MON2: variants seen among roughly 807,000 people sequenced by gnomAD.
The protein encoded by MON2 is MON2 regulator of endosome-to-Golgi trafficking, also known as protein MON2 homolog.
MON2 carries 84 observed loss-of-function variants against 208.6 expected under a neutral mutation model. The ratio of observed to expected loss-of-function variants is 0.40; its 90% CI spans 0.34 to 0.48. MON2 has a LOEUF of 0.48. Among genes scored for constraint, MON2 ranks in the 20% least tolerant of loss-of-function variants. The pLI is 0.59. For missense variants in MON2, 1,611 were observed against 2,015.4 expected (o/e 0.80, Z 3.84); for synonymous variants, 660 against 694.0 (o/e 0.95, Z 0.77).
chr12:62,531,002 G>A (rs2072611016), intron 11 of MON2, among the ~76,000 whole-genome samples: 1 of 152,080 alleles, frequency 6.6e-6, no homozygotes, highest in African/African-American at 2.4e-5. Context: ...ATCTTTTTGT[G>A]TGCTTCTTGG....
intron 1 of MON2, among the ~76,000 whole-genome samples, chr12:62,476,333 A>T (rs56283821): frequency 0.15 from 22,733 of 151,782 alleles, 1,903 homozygotes; most frequent in East Asian, 0.27. Flanking sequence ...GGGTCTTTTG[A>T]TTTTACCTGA....
chr12:62,549,038 A>T (rs1050211506), intron 22 of MON2, among the ~76,000 whole-genome samples: 3 of 152,104 alleles, frequency 2.0e-5, no homozygotes, highest in Non-Finnish European at 2.9e-5. Context: ...ACTGTAGCAA[A>T]CTTGCCATTC....
At position 62,516,091 on chromosome 12, in the gene MON2, A is replaced by G. The variant is rs2071674125; in HGVS notation, c.984+7611A>G. Reference sequence around the variant, plus strand: ...ACAATGGAGTACTATTCAACCATAAAAAGAAAAGTGAGATCCTGTCATTTG... The same window carrying G: ...ACAATGGAGTACTATTCAACCATAAGAAGAAAAGTGAGATCCTGTCATTTG... On this transcript the variant is annotated intron_variant, in intron 8 of 34. Coordinates refer to ENST00000393630, the MANE Select transcript of MON2 (RefSeq NM_015026.3). 4.6e-5 allele frequency among the ~76,000 whole-genome samples: 7 copies of G among 152,240 alleles called. No homozygotes were observed. In the South Asian group the frequency reaches 1.4e-3, roughly 31 times the overall value.
At chr12:62,520,625 A>G (rs542717353) in intron 8 of MON2, among the ~76,000 whole-genome samples, 1 of 151,976 alleles carries the variant, frequency 6.6e-6, no homozygotes, top group East Asian at 1.9e-4. Context: ...CTGTTTTGTC[A>G]CAAGGAACAT....
Position 62,580,431 on chromosome 12 carries a change from T to G in MON2, c.4699+11T>G. The G allele has an allele frequency of 6.3e-7, 1 of 1,580,318 alleles. No individual in the cohort carries two copies. Among genetic ancestry groups the G allele is most frequent in the Admixed American group, 1.8e-5 (1 of 57,064 alleles). On this transcript the variant is annotated intron_variant, in intron 32 of 34. Transcript: ENST00000393630. ...CATCTTCATTTACAGGTATGTTAAT[T>G]TTTTTAAGTATTAAAAAGTATTGAA...
chr12:62,496,493 G>A (rs777950548), intron 4 of MON2, among the ~76,000 whole-genome samples: 2 of 152,132 alleles, frequency 1.3e-5, no homozygotes, highest in Non-Finnish European at 2.9e-5. Flanking sequence ...AAGAGTAGTA[G>A]CGATATCAAA....
At position 62,498,911 on chromosome 12, in the gene MON2, G is replaced by A; in HGVS notation, c.436-8G>A. The A allele has an allele frequency of 1.9e-6, 3 of 1,587,966 alleles. No homozygotes were observed. Among genetic ancestry groups the A allele is most frequent in the South Asian group, 1.2e-5 (1 of 86,198 alleles). The stretch of plus-strand genomic sequence containing the variant: ...TTATTTCACACTAAATGAAAATTGT[G>A]TTTTCAGGCAATCGTTCTTTGTTTT... On this transcript the variant is annotated splice_polypyrimidine_tract_variant and splice_region_variant and intron_variant, in intron 4 of 34. Coordinates refer to ENST00000393630, the MANE Select transcript of MON2 (RefSeq NM_015026.3).
chr12:62,469,824 TC>T (rs767416224), intron 1 of MON2, among the ~76,000 whole-genome samples: 6 of 152,092 alleles, frequency 3.9e-5, no homozygotes, highest in African/African-American at 7.2e-5. Context: ...TTATATTTAG[TC>T]TTTATTTCAA....
chr12:62,580,472 C>A (rs773093079), intron 32 of MON2, 52 bp downstream of exon 32: 143 of 1,455,712 alleles, frequency 9.8e-5, no homozygotes, highest in Non-Finnish European at 1.3e-4. Flanking sequence ...TTTGAAGAAA[C>A]TGTCAGTAGA....
chr12:62,546,990 A>G lies in MON2; in HGVS notation c.2671A>G (p.Ile891Val). 1 of 1,613,210 alleles carries G rather than the reference A, an allele frequency of 6.2e-7. No individual in the cohort carries two copies. Among genetic ancestry groups the G allele is most frequent in the Non-Finnish European group, 8.5e-7 (1 of 1,179,370 alleles). Residue 891 changes from isoleucine (I) to valine (V), a missense_variant, in exon 22 of 35, where the codon ATT (isoleucine) becomes GTT (valine). Physicochemically the swap from Ile to Val is conservative, Grantham distance 29. Transcript: ENST00000393630. ...CAAGCAGTTAGAATGCGTGTTGCAG[A>G]TTCTGCAGAGTCAGGGAGACAGTCT... The part of the protein sequence containing the change: ...RLKQLECVLQ[I>V]LQSQGDSLGP...
chr12:62,529,600 G>T (rs1362392068), intron 11 of MON2, among the ~76,000 whole-genome samples: 1 of 151,968 alleles, frequency 6.6e-6, no homozygotes, highest in Admixed American at 6.6e-5. Flanking sequence ...CATTTACAGT[G>T]TACAATTCAT....
rs573660040 is a variant in MON2 at position 62,546,888 on chromosome 12, C to G, written c.2578-9C>G. 15 of 1,581,084 alleles carry G rather than the reference C, an allele frequency of 9.5e-6. No individual in the cohort carries two copies. In the African/African-American group the frequency reaches 1.9e-4, roughly 20 times the overall value. On this transcript the variant is annotated splice_polypyrimidine_tract_variant and intron_variant, in intron 21 of 34. Transcript: ENST00000393630. ...TCTCTTCCTAATTAGTTTCTTGCCC[C>G]CTTTTCAGAGGCTGCAGTTGCTTTT...
intron 7 of MON2, among the ~76,000 whole-genome samples, chr12:62,504,527 G>A (rs971440008): frequency 3.3e-5 from 5 of 152,116 alleles, no homozygotes; most frequent in Admixed American, 1.3e-4. Flanking sequence ...GATTACAGGC[G>A]TGGGCCACCG....
At chr12:62,582,047 G>A (rs928653053) in intron 32 of MON2, among the ~76,000 whole-genome samples, 2 of 152,100 alleles carry the variant, frequency 1.3e-5, no homozygotes, top group Non-Finnish European at 2.9e-5. Flanking sequence ...CTGGTAAAGT[G>A]TGGGTTTAGC....
intron 34 of MON2, among the ~76,000 whole-genome samples, chr12:62,589,744 T>C (rs1043074710): frequency 1.8e-5 from 2 of 113,640 alleles, no homozygotes; most frequent in Non-Finnish European, 3.6e-5. Context: ...ACCCCATCTT[T>C]AAAAAAAAAA....
rs2075548604 is a variant in MON2, at chr12:62,597,386, C to T, written c.*4637C>T. On this transcript the variant is annotated 3_prime_UTR_variant, in exon 35 of 35. Transcript: ENST00000393630. ...TATTCCTTGTTCATAAGAAGTGGAG[C>T]TGTTAGTGGTAGAACCACTGCTCAT... is the stretch of plus-strand genomic sequence containing the variant. 6.6e-6 allele frequency: 1 copy of T among 152,094 alleles called. No individual in the cohort carries two copies. Among genetic ancestry groups the T allele is most frequent in the Admixed American group, 6.6e-5 (1 of 15,258 alleles). The allele number at this position is 152,094 out of a possible 1,614,324, so 9.4% of individuals were successfully genotyped here.
rs2072513217 is a variant in MON2, at chr12:62,529,465, TTACC to T, written c.1401-2967_1401-2964del. On this transcript the variant is annotated intron_variant, in intron 11 of 34. Coordinates refer to ENST00000393630, the MANE Select transcript of MON2 (RefSeq NM_015026.3). ...TTTTAATTTAGCATTTCTTTATTAA[TTACC>T]TACCTTGATGATTCAGAAACTTTAA... 1.3e-5 allele frequency among the ~76,000 whole-genome samples: 2 copies of T among 152,188 alleles called. 1 individual carries two copies. The highest frequency in any genetic ancestry group is 4.1e-4 in the South Asian group (2 of 4,832).
intron 7 of MON2, among the ~76,000 whole-genome samples, chr12:62,502,700 G>A (rs2070906131): frequency 6.6e-6 from 1 of 152,080 alleles, no homozygotes; most frequent in African/African-American, 2.4e-5. Context: ...AACTTAAATG[G>A]AAAACAACTA....
chr12:62,591,183 G>A (rs1592491913), intron 34 of MON2, among the ~76,000 whole-genome samples: 2 of 152,258 alleles, frequency 1.3e-5, no homozygotes, highest in African/African-American at 4.8e-5. Context: ...CTTAGACAGT[G>A]GCTTTTTGAC....
Sources: allele counts gnomAD v4.1 joint callset (sites outside exome capture counted in the v4.1 genomes callset), GRCh38; gene constraint gnomAD v4.1.1; transcripts MANE v1.5; gene names NCBI Gene and HGNC (gene_info 2026-07-23, HGNC 2026-07-21).